SPRED1: variants seen among roughly 807,000 people sequenced by gnomAD.
SPRED1 encodes sprouty-related, EVH1 domain-containing protein 1.
A neutral mutation model predicts 52.3 loss-of-function variants in SPRED1; 18 were observed. That is an observed-to-expected ratio of 0.34 (90% confidence interval 0.24 to 0.51). The LOEUF is 0.51. SPRED1 is among the 20% of genes least tolerant of loss of function. The pLI is 0.97. For synonymous variants in SPRED1, 155 were observed against 179.7 expected (o/e 0.86, Z 1.10); for missense variants, 485 against 551.0 (o/e 0.88, Z 1.20).
chr15:38,278,788 A>G (rs1017589243), intron 1 of SPRED1, among the ~76,000 whole-genome samples: 2 of 150,852 alleles, frequency 1.3e-5, no homozygotes, highest in South Asian at 2.1e-4. Context: ...AAGTCTGTAC[A>G]TGTTCAGTAC....
chr15:38,343,013 GAC>G (rs374478939), intron 5 of SPRED1, among the ~76,000 whole-genome samples: 1 of 152,210 alleles, frequency 6.6e-6, no homozygotes, highest in Non-Finnish European at 1.5e-5. Flanking sequence ...TACATATTGA[GAC>G]AGTGAGTTAA....
chr15:38,350,883 A>G, intron 6 of SPRED1, 131 bp from the exon 7 acceptor site: 1 of 966,638 alleles, frequency 1.0e-6, no homozygotes, highest in East Asian at 2.6e-5. Flanking sequence ...TGTTGATCTC[A>G]TCCCAAAAAC....
intron 2 of SPRED1, among the ~76,000 whole-genome samples, chr15:38,305,063 T>C (rs186020430): frequency 1.2e-4 from 18 of 152,262 alleles, no homozygotes; most frequent in African/African-American, 4.3e-4. Flanking sequence ...GCACGGTGGC[T>C]CACACCTGTA....
intron 1 of SPRED1, among the ~76,000 whole-genome samples, chr15:38,283,214 T>A (rs1221288541): frequency 1.3e-5 from 2 of 152,086 alleles, no homozygotes; most frequent in Non-Finnish European, 2.9e-5. Flanking sequence ...GACAAGAGCG[T>A]GTTAAGGGGG....
intron 1 of SPRED1, among the ~76,000 whole-genome samples, chr15:38,289,603 C>G (rs1238489111): frequency 2.0e-5 from 3 of 152,094 alleles, no homozygotes; most frequent in Non-Finnish European, 4.4e-5. Context: ...CACATGAGCA[C>G]TTCAGTGGAT....
At chr15:38,282,896 T>C (rs1250818709) in intron 1 of SPRED1, among the ~76,000 whole-genome samples, 1 of 152,140 alleles carries the variant, frequency 6.6e-6, no homozygotes, top group Non-Finnish European at 1.5e-5. Flanking sequence ...TCTTGCTACT[T>C]TGAGGACTGT....
rs578173447 is a variant in SPRED1, at chr15:38,252,877, C to T, written c.-309C>T. 5.1e-4 allele frequency: 248 copies of T among 482,130 alleles called. No individual in the cohort carries two copies. Among genetic ancestry groups the T allele is most frequent in the Middle Eastern group, 1.8e-3 (3 of 1,652 alleles). 29.9% of individuals were successfully genotyped at this position (482,130 alleles called of 1,614,324 possible). A position where few individuals can be genotyped will look rare whatever the true frequency, so the allele number is the denominator to read the frequency against. ...GTGGCTGGAGGAGCAGCTCTCCAGT[C>T]AGCCTTTGCAGCCCCTCTCTTTTTC... On this transcript the variant is annotated 5_prime_UTR_variant, in exon 1 of 7. Coordinates refer to ENST00000299084, the MANE Select transcript of SPRED1 (RefSeq NM_152594.3).
intron 1 of SPRED1, among the ~76,000 whole-genome samples, chr15:38,290,784 T>C (rs554154390): frequency 3.3e-5 from 5 of 152,192 alleles, no homozygotes; most frequent in African/African-American, 1.2e-4. Context: ...CCCTAATGAT[T>C]CCATTACCTC....
intron 4 of SPRED1, among the ~76,000 whole-genome samples, chr15:38,329,679 A>G (rs1194356083): frequency 1.3e-5 from 2 of 152,172 alleles, no homozygotes; most frequent in Admixed American, 6.5e-5. Flanking sequence ...TAATATGTGC[A>G]TATTTCGAAA....
chr15:38,333,442 A>G (rs1895845909), intron 4 of SPRED1, among the ~76,000 whole-genome samples: 1 of 152,190 alleles, frequency 6.6e-6, no homozygotes, highest in African/African-American at 2.4e-5. Flanking sequence ...AACAAGCCAT[A>G]TTAAGAAAGT....
chr15:38,332,528 G>A (rs946799002), intron 4 of SPRED1, among the ~76,000 whole-genome samples: 5 of 152,104 alleles, frequency 3.3e-5, no homozygotes, highest in Admixed American at 2.6e-4. Flanking sequence ...AGCTGTGATC[G>A]TGCCACTGCA....
intron 4 of SPRED1, among the ~76,000 whole-genome samples, chr15:38,330,556 T>C (rs1453085661): frequency 6.6e-6 from 1 of 152,116 alleles, no homozygotes; most frequent in Non-Finnish European, 1.5e-5. Context: ...TTTTTTCCTT[T>C]TTTTCTATGG....
intron 2 of SPRED1, among the ~76,000 whole-genome samples, chr15:38,310,576 C>A (rs562691347): frequency 6.6e-6 from 1 of 152,326 alleles, no homozygotes; most frequent in African/African-American, 2.4e-5. Context: ...ACTTCTAATT[C>A]ATAAATACAC....
At chr15:38,339,374 A>G (rs1166959994) in intron 4 of SPRED1, among the ~76,000 whole-genome samples, 2 of 152,128 alleles carry the variant, frequency 1.3e-5, no homozygotes, top group African/African-American at 4.8e-5. Flanking sequence ...TAAAACATAG[A>G]TTTGTGTTTT....
chr15:38,255,952 T>C (rs1281261517), intron 1 of SPRED1, among the ~76,000 whole-genome samples: 1 of 152,020 alleles, frequency 6.6e-6, no homozygotes, highest in Non-Finnish European at 1.5e-5. Flanking sequence ...ATAGCCATTG[T>C]GGTAAAATCC....
At chr15:38,324,101 C>G (rs1232588313) in intron 3 of SPRED1, among the ~76,000 whole-genome samples, 2 of 152,160 alleles carry the variant, frequency 1.3e-5, no homozygotes, top group Non-Finnish European at 2.9e-5. Flanking sequence ...ATATGCTGCT[C>G]TTTCCAAAGG....
intron 1 of SPRED1, among the ~76,000 whole-genome samples, chr15:38,267,411 AG>A (rs1200234385): frequency 6.6e-6 from 1 of 152,196 alleles, no homozygotes; most frequent in Non-Finnish European, 1.5e-5. Context: ...ATAAATTTAC[AG>A]GAGTGGGATA....
At chr15:38,279,447 A>G (rs1228591603) in intron 1 of SPRED1, among the ~76,000 whole-genome samples, 1 of 152,206 alleles carries the variant, frequency 6.6e-6, no homozygotes, top group Non-Finnish European at 1.5e-5. Context: ...TCTTAATCTT[A>G]TCAGGTTGCA....
chr15:38,319,747 G>T (rs1259414850), intron 2 of SPRED1, among the ~76,000 whole-genome samples: 1 of 152,178 alleles, frequency 6.6e-6, no homozygotes, highest in Non-Finnish European at 1.5e-5. Flanking sequence ...GAATTTCACT[G>T]CATTGCCTAT....
Sources: allele counts gnomAD v4.1 joint callset (sites outside exome capture counted in the v4.1 genomes callset), GRCh38; gene constraint gnomAD v4.1.1; transcripts MANE v1.5; gene names NCBI Gene and HGNC (gene_info 2026-07-23, HGNC 2026-07-21).